Variants in L3MBTL3 observed in about 807,000 individuals in gnomAD.
The protein encoded by L3MBTL3 is lethal(3)malignant brain tumor-like protein 3.
In L3MBTL3, 27 loss-of-function variants were observed where a neutral mutation model predicts 102.3. The observed-to-expected ratio is 0.26, with a 90% confidence interval of 0.19 to 0.36. The LOEUF (loss-of-function observed/expected upper bound fraction) is 0.36, where lower values mean the gene tolerates loss of function less well. Among genes scored for constraint, L3MBTL3 ranks in the 10% least tolerant of loss-of-function variants. The probability of loss-of-function intolerance (pLI) is 1.00; values close to 1 mark genes in which losing one functional copy is unlikely to be tolerated. For missense variants in L3MBTL3, 798 were observed against 955.3 expected, an observed-to-expected ratio of 0.84 and a Z score of 2.17; for synonymous variants, 340 against 320.9, an observed-to-expected ratio of 1.06 and a Z score of -0.64.
chr6:130,066,964 AT>A (rs1392807466), intron 11 of L3MBTL3, among the ~76,000 whole-genome samples: 1 of 152,192 alleles, frequency 6.6e-6, no homozygotes, highest in Non-Finnish European at 1.5e-5. Context: ...AACACTAAAA[AT>A]TGGCTTAGGT....
At chr6:130,032,193 T>C (rs910708062) in intron 2 of L3MBTL3, among the ~76,000 whole-genome samples, 1 of 152,212 alleles carries the variant, frequency 6.6e-6, no homozygotes, top group African/African-American at 2.4e-5. Context: ...CACCTGATCA[T>C]ATCTGCTTTT....
At chr6:130,071,199 A>G in intron 13 of L3MBTL3, 72 bp downstream of exon 13, 1 of 1,333,598 alleles carries the variant, frequency 7.5e-7, no homozygotes. Flanking sequence ...AAACAGTAAT[A>G]GTGCAACGCT....
At chr6:130,101,432 TAGGGAGCCACA>T (rs944232474) in intron 18 of L3MBTL3, among the ~76,000 whole-genome samples, 2 of 152,226 alleles carry the variant, frequency 1.3e-5, no homozygotes, top group African/African-American at 2.4e-5. Context: ...CACCTCCTAC[TAGGGAGCCACA>T]AGGGACCGAG....
chr6:130,064,427 G>A (rs1284035637), intron 10 of L3MBTL3, among the ~76,000 whole-genome samples: 1 of 152,072 alleles, frequency 6.6e-6, no homozygotes, highest in Non-Finnish European at 1.5e-5. Context: ...TTCTTGTTGG[G>A]GACTAGATTC....
At chr6:130,115,183 G>T (rs993732820) in intron 19 of L3MBTL3, among the ~76,000 whole-genome samples, 1 of 152,096 alleles carries the variant, frequency 6.6e-6, no homozygotes, top group Non-Finnish European at 1.5e-5. Context: ...TTCTGCAAAG[G>T]CCCCATGAGA....
intron 14 of L3MBTL3, 54 bp downstream of exon 14, chr6:130,078,688 G>C: frequency 1.7e-6 from 2 of 1,202,070 alleles, no homozygotes; most frequent in Non-Finnish European, 2.4e-6. Context: ...AGAGTAGGCA[G>C]ACTTTTTCTG....
chr6:130,074,489 T>C (rs1782830348), intron 13 of L3MBTL3, among the ~76,000 whole-genome samples: 1 of 152,188 alleles, frequency 6.6e-6, no homozygotes, highest in African/African-American at 2.4e-5. Context: ...GAAAGAACTT[T>C]AGGGACCCAG....
rs1463245013 is a variant in L3MBTL3 at position 130,067,257 on chromosome 6, G to A, written c.1000+769G>A. Reference sequence around the variant, plus strand: ...GCCTCCCGAATAGCTGGGATTACAGGTGCCTGCCACCATGCCTGGCTGATT... The same window carrying A: ...GCCTCCCGAATAGCTGGGATTACAGATGCCTGCCACCATGCCTGGCTGATT... On this transcript the variant is annotated intron_variant, in intron 11 of 22. Transcript: ENST00000361794. Among the ~76,000 whole-genome samples, 6 of 152,096 alleles carry A rather than the reference G, an allele frequency of 3.9e-5. 1 individual carries two copies. The highest frequency in any genetic ancestry group is 1.4e-4 in the African/African-American group (6 of 41,400).
At chr6:130,086,086 A>C (rs879843450) in intron 15 of L3MBTL3, 54 bp from the exon 16 acceptor site, 2 of 1,183,204 alleles carry the variant, frequency 1.7e-6, no homozygotes, top group Non-Finnish European at 2.5e-6. Context: ...TGTAACATCA[A>C]GTTTACCTTC....
chr6:130,038,412 T>C (rs927355700), intron 2 of L3MBTL3, among the ~76,000 whole-genome samples: 5 of 152,050 alleles, frequency 3.3e-5, no homozygotes, highest in Non-Finnish European at 7.4e-5. Context: ...CACCTTTCTC[T>C]GCATCCTCAC....
At chr6:130,100,259 C>G (rs1037755009) in intron 18 of L3MBTL3, among the ~76,000 whole-genome samples, 1 of 152,146 alleles carries the variant, frequency 6.6e-6, no homozygotes, top group Non-Finnish European at 1.5e-5. Flanking sequence ...AACAGAATCT[C>G]GGAGCCTGTG....
intron 1 of L3MBTL3, among the ~76,000 whole-genome samples, chr6:130,021,238 T>A (rs1276935820): frequency 6.6e-6 from 1 of 152,212 alleles, no homozygotes; most frequent in Non-Finnish European, 1.5e-5. Flanking sequence ...GTTGAACGCG[T>A]CTTTTAAGTT....
chr6:130,068,901 T>C (rs1242682946), intron 12 of L3MBTL3, among the ~76,000 whole-genome samples: 1 of 152,150 alleles, frequency 6.6e-6, no homozygotes, highest in Non-Finnish European at 1.5e-5. Context: ...ACTTGACCGG[T>C]ATTCCTGCTT....
Position 130,133,935 on chromosome 6 carries a change from A to G in L3MBTL3, c.2199+30A>G, listed in dbSNP as rs2114436462. On this transcript the variant is annotated intron_variant, in intron 22 of 22. Transcript: ENST00000361794. This position sits in a 1 kb window ranked among gnomAD's most constrained non-coding sequence, Gnocchi z 4.9. ...GTATTCCACTAAATTGCAATATGTT[A>G]CTTAATGGGATCAAAGCACTGAAAT... 1 of 1,527,670 alleles carries G rather than the reference A, an allele frequency of 6.5e-7. No individual in the cohort carries two copies. The highest frequency in any genetic ancestry group is 1.1e-5 in the South Asian group (1 of 89,308). The allele number at this position is 1,527,670 out of a possible 1,614,324, so 94.6% of individuals were successfully genotyped here. A position where few individuals can be genotyped will look rare whatever the true frequency, so the allele number is the denominator to read the frequency against.
intron 20 of L3MBTL3, among the ~76,000 whole-genome samples, chr6:130,121,264 T>C (rs1329438321): frequency 4.6e-5 from 7 of 152,102 alleles, no homozygotes; most frequent in Admixed American, 3.9e-4. Context: ...GTCTGTCCTT[T>C]CCTTCTTCGT....
chr6:130,092,092 C>G (rs186061149), intron 16 of L3MBTL3, among the ~76,000 whole-genome samples: 1 of 151,814 alleles, frequency 6.6e-6, no homozygotes, highest in African/African-American at 2.4e-5. Context: ...CATTATATGC[C>G]TATATCAAAA....
In L3MBTL3 at chr6:130,140,899, C is replaced by T. The variant is rs71571001; in HGVS notation, c.*1146C>T. 1 of 152,576 alleles carries T rather than the reference C, an allele frequency of 6.6e-6. No individual in the cohort carries two copies. The highest frequency in any genetic ancestry group is 6.5e-5 in the Admixed American group (1 of 15,272). The allele number at this position is 152,576 out of a possible 1,614,324, so 9.5% of individuals were successfully genotyped here. ...GGGAGGTGATTTCCCAAAGTAATTGCCCAAGAACCTCCGTTTTGGAAGGAT... is the reference window on the plus strand; with the variant it reads ...GGGAGGTGATTTCCCAAAGTAATTGTCCAAGAACCTCCGTTTTGGAAGGAT... On this transcript the variant is annotated 3_prime_UTR_variant, in exon 23 of 23. Coordinates refer to ENST00000361794, the MANE Select transcript of L3MBTL3 (RefSeq NM_032438.4).
At position 130,094,340 on chromosome 6, in the gene L3MBTL3, A is replaced by G. The variant is rs1433504295; in HGVS notation, c.1709A>G (p.Lys570Arg). ...GGATGTAAAGGGATTGGCCATTTCA[A>G]GAGAGCGAGACATCTGGGCCCTCAC... ...TPGCKGIGHF[K>R]RARHLGPHSA... is the part of the protein sequence containing the mutation. Residue 570 changes from lysine (K) to arginine (R), a missense_variant, in exon 18 of 23, where the codon AAG (lysine) becomes AGG (arginine). Coordinates refer to ENST00000361794, the MANE Select transcript of L3MBTL3 (RefSeq NM_032438.4). The G allele has an allele frequency of 6.2e-7, 1 of 1,613,818 alleles. No individual in the cohort carries two copies. The highest frequency in any genetic ancestry group is 1.1e-5 in the South Asian group (1 of 91,060).
chr6:130,029,744 C>A (rs1779592881), intron 2 of L3MBTL3, among the ~76,000 whole-genome samples: 1 of 152,066 alleles, frequency 6.6e-6, no homozygotes, highest in African/African-American at 2.4e-5. Context: ...ATTCCTCTGC[C>A]CTGTGAGACT....
Sources: gnomAD v4.1 joint callset for allele counts (sites outside exome capture counted in the v4.1 genomes callset) on GRCh38, gnomAD v4.1.1 for gene constraint, Gnocchi (gnomAD v3.1) non-coding constraint, MANE v1.5 for transcripts, NCBI Gene and HGNC (gene_info 2026-07-23, HGNC 2026-07-21) for gene names.